Variants in TMEM214 observed in about 807,000 individuals in gnomAD.
TMEM214 encodes transmembrane protein 214.
A neutral mutation model predicts 89.8 loss-of-function variants in TMEM214; 71 were observed. The observed-to-expected ratio is 0.79, with a 90% CI of 0.65 to 0.96. The LOEUF (loss-of-function observed/expected upper bound fraction) is 0.96, where lower values mean the gene tolerates loss of function less well. Among genes scored for constraint, TMEM214 ranks in the 40% least tolerant of loss-of-function variants. The pLI, the probability that TMEM214 is intolerant of heterozygous loss-of-function variation, is 0.00. For synonymous variants in TMEM214, 332 were observed against 349.5 expected, an observed-to-expected ratio of 0.95 and a Z score of 0.56; for missense variants, 754 against 843.4, an observed-to-expected ratio of 0.89 and a Z score of 1.31.
In TMEM214 at chr2:27,039,133, C is replaced by T. The variant is rs1199105702; in HGVS notation, c.1494C>T (p.Cys498=). Residue 498 remains cysteine (C), a synonymous_variant, in exon 13 of 17, where the codon TGC becomes TGT. Coordinates refer to ENST00000238788, the MANE Select transcript of TMEM214 (RefSeq NM_017727.5). ...TGGTCTTCGCTGTAGGCTTCCTGTG[C>T]CATGACCTCCGGTCACACAGCTCCT... The part of the protein sequence containing the change: ...LLLVFAVGFL[C]HDLRSHSSFQ... The T allele has an allele frequency of 8.1e-6, 13 of 1,613,814 alleles. No homozygotes were observed. Among genetic ancestry groups the T allele is most frequent in the African/African-American group, 1.3e-5 (1 of 75,072 alleles).
intron 2 of TMEM214, among the ~76,000 whole-genome samples, chr2:27,034,884 C>G (rs865891416): frequency 6.6e-6 from 1 of 152,272 alleles, no homozygotes; most frequent in African/African-American, 2.4e-5. Flanking sequence ...GCGCCTGGCC[C>G]TCTGTTTTCC....
chr2:27,040,276 G>A (rs1477217152), intron 15 of TMEM214, 69 bp from the exon 16 acceptor site: 15 of 1,608,510 alleles, frequency 9.3e-6, no homozygotes, highest in African/African-American at 2.7e-5. Flanking sequence ...AGCACTGTGT[G>A]GCCTGAGTCT....
Position 27,037,181 on chromosome 2 carries a change from A to G in TMEM214, c.1010+3A>G. On this transcript the variant is annotated splice_donor_region_variant and intron_variant, in intron 8 of 16. Coordinates refer to ENST00000238788, the MANE Select transcript of TMEM214 (RefSeq NM_017727.5). ...CCGAACAACTCCCTGACACCCAGGT[A>G]GGACTGCTCTGGGGCACACCTGCTG... 1.2e-6 allele frequency: 2 copies of G among 1,608,882 alleles called. No individual in the cohort carries two copies. Among genetic ancestry groups the G allele is most frequent in the Middle Eastern group, 1.7e-4 (1 of 6,056 alleles).
intron 15 of TMEM214, 36 bp from the exon 16 acceptor site, chr2:27,040,309 T>C: frequency 6.2e-7 from 1 of 1,613,106 alleles, no homozygotes; most frequent in Non-Finnish European, 8.5e-7. Flanking sequence ...TGCAGTTCCC[T>C]GGATACTCTG....
chr2:27,035,600 C>A lies in TMEM214; in HGVS notation c.509C>A (p.Pro170His). ...PTLSQHTHDY[P>H]YSLVSRELRG... ...TGAGGCCTATGGGCCTTAGATTATC[C>A]CTACAGCCTGGTGAGCCGGGAGCTA... The change falls in exon 4 of 17, where the codon CCC becomes CAC. Residue 170 changes from proline to histidine, a missense_variant. Transcript: ENST00000238788. The A allele has an allele frequency of 1.9e-6, 3 of 1,614,172 alleles. No homozygotes were observed. The highest frequency in any genetic ancestry group is 2.5e-6 in the Non-Finnish European group (3 of 1,180,040).
rs1482142533 is a variant in TMEM214 at position 27,038,496 on chromosome 2, G to A, written c.1257G>A (p.Glu419=). Residue 419 remains glutamate (E), a synonymous_variant, in exon 11 of 17, where the codon GAG becomes GAA. Coordinates refer to ENST00000238788, the MANE Select transcript of TMEM214 (RefSeq NM_017727.5). This position sits in a 1 kb window ranked among gnomAD's most constrained non-coding sequence, Gnocchi z 4.4. ...KHLSQSSLLL[E]HLLSSWEQIP... is the part of the protein sequence containing the mutation. ...GCTTTCCCCACAGCCTTCTGCTGGA[G>A]CACTTGCTCAGCTCCTGGGAGCAGA... 1 of 1,614,106 alleles carries A rather than the reference G, an allele frequency of 6.2e-7. No individual in the cohort carries two copies. The highest frequency in any genetic ancestry group is 8.5e-7 in the Non-Finnish European group (1 of 1,180,002).
intron 2 of TMEM214, 57 bp downstream of exon 2, chr2:27,034,323 A>C: frequency 6.4e-7 from 1 of 1,574,182 alleles, no homozygotes; most frequent in Non-Finnish European, 8.7e-7. Context: ...TTTAGAGAAG[A>C]TGAGAGGAGG....
chr2:27,037,862 G>A lies in TMEM214; in HGVS notation c.1152+160G>A, dbSNP rs575764367. On this transcript the variant is annotated intron_variant, in intron 9 of 16. Coordinates refer to ENST00000238788, the MANE Select transcript of TMEM214 (RefSeq NM_017727.5). ...CCCGCTCACTCGAGCTTCACCCTCA[G>A]AAGATGGATCCCAAGAGACAGCACA... 1.3e-5 allele frequency: 20 copies of A among 1,560,446 alleles called. No individual in the cohort carries two copies. In the Admixed American group the frequency reaches 3.1e-4, roughly 24 times the overall value.
rs1572792673 is a variant in TMEM214, at chr2:27,038,390, T to G, written c.1245-94T>G. 6.4e-7 allele frequency: 1 copy of G among 1,564,844 alleles called. No homozygotes were observed. Among genetic ancestry groups the G allele is most frequent in the Non-Finnish European group, 8.8e-7 (1 of 1,137,560 alleles). ...TGCTCTGTGGGTGGTAGGTGGAGGGTCTTTCAGCCTGAAGGAGCCAGGGCT... is the reference window on the plus strand; with the variant it reads ...TGCTCTGTGGGTGGTAGGTGGAGGGGCTTTCAGCCTGAAGGAGCCAGGGCT... On this transcript the variant is annotated intron_variant, in intron 10 of 16. Coordinates refer to ENST00000238788, the MANE Select transcript of TMEM214 (RefSeq NM_017727.5). The surrounding 1 kb of genome is among the most constrained non-coding windows in gnomAD (Gnocchi z 4.4).
At chr2:27,040,294 C>T in intron 15 of TMEM214, 51 bp from the exon 16 acceptor site, 1 of 1,610,678 alleles carries the variant, frequency 6.2e-7, no homozygotes, top group Non-Finnish European at 8.5e-7. Context: ...TCTTTAGGGC[C>T]AGGATGCAGT....
Position 27,038,786 on chromosome 2 carries a change from G to C in TMEM214, c.1378G>C (p.Asp460His). Residue 460 changes from aspartate (D) to histidine (H), a missense_variant, in exon 12 of 17, where the codon GAT becomes CAT. Coordinates refer to ENST00000238788, the MANE Select transcript of TMEM214 (RefSeq NM_017727.5). The surrounding 1 kb of genome is among the most constrained non-coding windows in gnomAD (Gnocchi z 4.4). ...GAGGAAGGGTAGCAGTAACAACCAG[G>C]ATGTCGTCACCTGTGACATGGCCTG... ...LLRKGSSNNQ[D>H]VVTCDMACKG... is the part of the protein sequence containing the mutation. The C allele has an allele frequency of 1.9e-6, 3 of 1,614,154 alleles. No individual in the cohort carries two copies. Among genetic ancestry groups the C allele is most frequent in the Non-Finnish European group, 2.5e-6 (3 of 1,180,016 alleles).
At position 27,037,151 on chromosome 2, in the gene TMEM214, A is replaced by C; in HGVS notation, c.983A>C (p.Tyr328Ser). Residue 328 changes from tyrosine (Y) to serine (S), a missense_variant, in exon 8 of 17, where the codon TAT (tyrosine) becomes TCT (serine). By Grantham distance (144) the Tyr-to-Ser change is moderately radical. Transcript: ENST00000238788. ...KDFFPLLDFAYMPNNSLTPSL... is the reference protein window; with the variant it reads ...KDFFPLLDFASMPNNSLTPSL... ...TTCTTCCCACTTCTGGACTTTGCCTATATGCCGAACAACTCCCTGACACCC... is the reference window on the plus strand; with the variant it reads ...TTCTTCCCACTTCTGGACTTTGCCTCTATGCCGAACAACTCCCTGACACCC... 6.2e-7 allele frequency: 1 copy of C among 1,613,974 alleles called. No homozygotes were observed. The highest frequency in any genetic ancestry group is 1.6e-4 in the Middle Eastern group (1 of 6,062).
rs1667489518 is a variant in TMEM214, at chr2:27,035,054, AT to A, written c.352-77del. 15 of 1,555,026 alleles carry A rather than the reference AT, an allele frequency of 9.6e-6. No homozygotes were observed. In the Admixed American group the frequency reaches 2.6e-4, roughly 27 times the overall value. On this transcript the variant is annotated intron_variant, in intron 2 of 16. Transcript: ENST00000238788. ...CTTCCTACTGCCACCTAGTTCAACC[AT>A]TTTCCCACCCCTACCCCATTTCTTT...
chr2:27,034,873 C>G (rs956681240), intron 2 of TMEM214, among the ~76,000 whole-genome samples: 18 of 152,132 alleles, frequency 1.2e-4, no homozygotes, highest in African/African-American at 3.6e-4. Flanking sequence ...CGTGAGCCAC[C>G]GCGCCTGGCC....
chr2:27,034,912 G>A (rs1667484022), intron 2 of TMEM214, among the ~76,000 whole-genome samples: 2 of 152,164 alleles, frequency 1.3e-5, no homozygotes, highest in Non-Finnish European at 2.9e-5. Context: ...CATGTGGAGG[G>A]CCTGAGAGGA....
At chr2:27,039,639 C>G in intron 13 of TMEM214, 102 bp from the exon 14 acceptor site, 1 of 1,029,428 alleles carries the variant, frequency 9.7e-7, no homozygotes, top group African/African-American at 1.6e-5. Flanking sequence ...ACACAAAGCT[C>G]TGCCCAGCGC....
In TMEM214 at chr2:27,040,404, C is replaced by A; in HGVS notation, c.1851C>A (p.Pro617=). ...TACTCCGCTATCTGAGAGAGCTGCC[C>A]CTGCTTTTCCACCAGAATGTGCTGC... is the stretch of plus-strand genomic sequence containing the variant. ...NQLLRYLREL[P]LLFHQNVLLP... is the part of the protein sequence containing the mutation. Residue 617 remains proline, a synonymous_variant, in exon 16 of 17, where the codon CCC becomes CCA. Coordinates refer to ENST00000238788, the MANE Select transcript of TMEM214 (RefSeq NM_017727.5). 6.2e-7 allele frequency: 1 copy of A among 1,614,234 alleles called. No homozygotes were observed. Among genetic ancestry groups the A allele is most frequent in the Non-Finnish European group, 8.5e-7 (1 of 1,180,054 alleles).
In TMEM214 at chr2:27,035,272, C is replaced by T; in HGVS notation, c.489C>T (p.Ser163=). 1.2e-6 allele frequency: 2 copies of T among 1,614,232 alleles called. No individual in the cohort carries two copies. Among genetic ancestry groups the T allele is most frequent in the Non-Finnish European group, 1.7e-6 (2 of 1,180,058 alleles). The part of the protein sequence containing the change: ...LQAPLSEPTL[S]QHTHDYPYSL... ...CTCCTCTAAGTGAACCCACGCTGAG[C>T]CAGCATACTCATGGTAAGTCCTTCC... Residue 163 remains serine (S), a synonymous_variant, in exon 3 of 17, where the codon AGC becomes AGT. Coordinates refer to ENST00000238788, the MANE Select transcript of TMEM214 (RefSeq NM_017727.5).
rs1319936350 is a variant in TMEM214, at chr2:27,034,179, C to G, written c.264C>G (p.Asn88Lys). The change falls in exon 2 of 17, where the codon AAC becomes AAG. Residue 88 changes from asparagine (N) to lysine (K), a missense_variant. By Grantham distance (94) the Asn-to-Lys change is moderately conservative. Transcript: ENST00000238788. Reference protein sequence around the residue: ...PPAVEPKKPGNKKQPKKVATP... With the variant: ...PPAVEPKKPGKKKQPKKVATP... ...CTGTGGAACCTAAGAAACCAGGGAA[C>G]AAGAAGCAGCCAAAGAAGGTGGCAA... 1.2e-6 allele frequency: 2 copies of G among 1,614,174 alleles called. No homozygotes were observed. The highest frequency in any genetic ancestry group is 2.2e-5 in the South Asian group (2 of 91,078).
Sources: allele counts gnomAD v4.1 joint callset (sites outside exome capture counted in the v4.1 genomes callset), GRCh38; gene constraint gnomAD v4.1.1; non-coding constraint Gnocchi (gnomAD v3.1); transcripts MANE v1.5; gene names NCBI Gene and HGNC (gene_info 2026-07-23, HGNC 2026-07-21).